Variants in HS3ST5 observed in about 807,000 individuals in gnomAD.
HS3ST5 encodes heparan sulfate-glucosamine 3-sulfotransferase 5, also known as heparan sulfate glucosamine 3-O-sulfotransferase 5.
HS3ST5 carries 10 observed loss-of-function variants against 25.4 expected under a neutral mutation model. The observed-to-expected ratio is 0.39, with a 90% confidence interval of 0.24 to 0.67. HS3ST5 has a LOEUF of 0.67. Ranked by LOEUF, HS3ST5 falls within the 30% of genes least tolerant of loss-of-function variation. The pLI, the probability that HS3ST5 is intolerant of heterozygous loss-of-function variation, is 0.44. For missense variants in HS3ST5, 324 were observed against 420.7 expected (o/e 0.77, Z 2.01); for synonymous variants, 170 against 162.4 (o/e 1.05, Z -0.36).
chr6:114,147,157 A>T (rs1419450884), intron 3 of HS3ST5, among the ~76,000 whole-genome samples: 1 of 152,234 alleles, frequency 6.6e-6, no homozygotes, highest in Non-Finnish European at 1.5e-5. Context: ...CAAAAGAGCT[A>T]TCTCAGCTCT....
chr6:114,059,651 C>G (rs992915962), intron 4 of HS3ST5: 7 of 152,296 alleles, frequency 4.6e-5, no homozygotes, highest in African/African-American at 1.7e-4. Context: ...CCGCCCCCTG[C>G]AAGCTCCCTC....
At chr6:114,153,052 G>T (rs544032517) in intron 3 of HS3ST5, among the ~76,000 whole-genome samples, 8 of 152,274 alleles carry the variant, frequency 5.3e-5, no homozygotes, top group African/African-American at 1.9e-4. Flanking sequence ...CCCACCCAAT[G>T]GTTGAGACTT....
chr6:114,226,576 T>C (rs925652597), intron 2 of HS3ST5, among the ~76,000 whole-genome samples: 2 of 151,958 alleles, frequency 1.3e-5, no homozygotes, highest in East Asian at 1.9e-4. Context: ...GAGACTTTTA[T>C]ATGAAGAGAA....
At chr6:114,171,787 T>C (rs1342232251) in intron 2 of HS3ST5, among the ~76,000 whole-genome samples, 1 of 152,166 alleles carries the variant, frequency 6.6e-6, no homozygotes, top group Admixed American at 6.6e-5. Context: ...TGTGAGATGC[T>C]TGTAACCCCC....
At chr6:114,213,972 T>C (rs1582722524) in intron 2 of HS3ST5, among the ~76,000 whole-genome samples, 1 of 152,242 alleles carries the variant, frequency 6.6e-6, no homozygotes, top group East Asian at 1.9e-4. Flanking sequence ...ATTCTGTTTT[T>C]CTTTCCTAGA....
chr6:114,121,845 A>C (rs1316776892), intron 3 of HS3ST5, among the ~76,000 whole-genome samples: 1 of 152,234 alleles, frequency 6.6e-6, no homozygotes, highest in Non-Finnish European at 1.5e-5. Context: ...ATTTTTAGCA[A>C]AAGTTAAAAA....
At chr6:114,312,703 T>C (rs920211192) in intron 1 of HS3ST5, among the ~76,000 whole-genome samples, 3 of 151,794 alleles carry the variant, frequency 2.0e-5, no homozygotes, top group Non-Finnish European at 2.9e-5. Flanking sequence ...TAAACCCAGT[T>C]AAAAAGAATT....
chr6:114,240,048 A>G (rs1025542361), intron 1 of HS3ST5, among the ~76,000 whole-genome samples: 1 of 149,598 alleles, frequency 6.7e-6, no homozygotes, highest in African/African-American at 2.5e-5. Context: ...CTTACTCTCT[A>G]TTACACTGGC....
intron 1 of HS3ST5, among the ~76,000 whole-genome samples, chr6:114,287,363 A>G (rs1774383250): frequency 6.6e-6 from 1 of 152,010 alleles, no homozygotes; most frequent in Non-Finnish European, 1.5e-5. Context: ...CTTAGGGTCA[A>G]GGATCACATC....
chr6:114,171,468 A>G (rs565678546), intron 2 of HS3ST5, among the ~76,000 whole-genome samples: 284 of 152,304 alleles, frequency 1.9e-3, no homozygotes, highest in Non-Finnish European at 3.3e-3. Context: ...AACTATATCC[A>G]TGAATGTCCT....
intron 2 of HS3ST5, among the ~76,000 whole-genome samples, chr6:114,183,816 G>A (rs774361572): frequency 6.6e-6 from 1 of 152,140 alleles, no homozygotes; most frequent in Non-Finnish European, 1.5e-5. Flanking sequence ...AGATAATCAT[G>A]TACAGAGTGT....
At chr6:114,212,716 C>A (rs1244166304) in intron 2 of HS3ST5, among the ~76,000 whole-genome samples, 2 of 152,174 alleles carry the variant, frequency 1.3e-5, no homozygotes, top group Non-Finnish European at 2.9e-5. Flanking sequence ...TTACAACACT[C>A]TTAACTTGCC....
At chr6:114,330,708 C>T (rs1023406993) in intron 1 of HS3ST5, among the ~76,000 whole-genome samples, 2 of 152,302 alleles carry the variant, frequency 1.3e-5, no homozygotes, top group South Asian at 2.1e-4. Flanking sequence ...AGAGCCAAGA[C>T]CCCACTTGGT....
chr6:114,166,627 C>A (rs1305485043), intron 3 of HS3ST5, among the ~76,000 whole-genome samples: 1 of 152,048 alleles, frequency 6.6e-6, no homozygotes, highest in Non-Finnish European at 1.5e-5. Flanking sequence ...GAGGGAGGGA[C>A]CGTAAAAGGA....
chr6:114,109,246 AG>A (rs1390422036), intron 3 of HS3ST5, among the ~76,000 whole-genome samples: 1 of 146,926 alleles, frequency 6.8e-6, no homozygotes, highest in African/African-American at 2.5e-5. Context: ...TTTAAGCGGA[AG>A]GTGTTTGTAT....
chr6:114,319,835 G>A (rs1360414254), intron 1 of HS3ST5, among the ~76,000 whole-genome samples: 2 of 151,934 alleles, frequency 1.3e-5, no homozygotes, highest in African/African-American at 2.4e-5. Context: ...GTATGAGTAC[G>A]TCTTTAAGTA....
At chr6:114,329,515 C>T (rs1328330761) in intron 1 of HS3ST5, among the ~76,000 whole-genome samples, 1 of 152,106 alleles carries the variant, frequency 6.6e-6, no homozygotes, top group Non-Finnish European at 1.5e-5. Flanking sequence ...AGACCTTTGC[C>T]CTCACCTCCC....
At chr6:114,165,766 C>T (rs1036925710) in intron 3 of HS3ST5, among the ~76,000 whole-genome samples, 1 of 152,156 alleles carries the variant, frequency 6.6e-6, no homozygotes, top group African/African-American at 2.4e-5. Context: ...TTCTCACCAG[C>T]TCTGTGATTT....
chr6:114,320,756 T>C (rs915160632), intron 1 of HS3ST5, among the ~76,000 whole-genome samples: 1 of 151,960 alleles, frequency 6.6e-6, no homozygotes, highest in African/African-American at 2.4e-5. Context: ...GTTATTAATG[T>C]TTTATTTGAG....
Sources: allele counts gnomAD v4.1 joint callset (sites outside exome capture counted in the v4.1 genomes callset), GRCh38; gene constraint gnomAD v4.1.1; transcripts MANE v1.5; gene names NCBI Gene and HGNC (gene_info 2026-07-23, HGNC 2026-07-21).